NOM1: variants seen among roughly 807,000 people sequenced by gnomAD.
The protein encoded by NOM1 is nucleolar MIF4G domain-containing protein 1.
Under a neutral mutation model 73.3 loss-of-function variants are expected in NOM1, and 58 were observed. The ratio of observed to expected loss-of-function variants is 0.79; its 90% CI spans 0.64 to 0.99. The LOEUF (loss-of-function observed/expected upper bound fraction) is 0.99, where lower values mean the gene tolerates loss of function less well. NOM1 is among the 50% of genes least tolerant of loss of function. The pLI, the probability that NOM1 is intolerant of heterozygous loss-of-function variation, is 0.00. For synonymous variants in NOM1, 487 were observed against 446.8 expected (o/e 1.09, Z -1.14); for missense variants, 1,226 against 1,131.9 (o/e 1.08, Z -1.19).
At chr7:156,963,395 G>A in intron 6 of NOM1, 1 of 600,668 alleles carries the variant, frequency 1.7e-6, no homozygotes, top group Non-Finnish European at 3.0e-6. Flanking sequence ...AGATCTAAAA[G>A]TTGAATGGCA....
intron 3 of NOM1, among the ~76,000 whole-genome samples, chr7:156,959,491 C>G (rs1302182975): frequency 6.6e-6 from 1 of 152,200 alleles, no homozygotes; most frequent in Non-Finnish European, 1.5e-5. Flanking sequence ...ATCCACCCAC[C>G]TCCGCCTCCT....
chr7:156,961,638 A>C (rs1039189146), intron 4 of NOM1, among the ~76,000 whole-genome samples: 2 of 152,188 alleles, frequency 1.3e-5, no homozygotes, highest in African/African-American at 4.8e-5. Context: ...GTTTTATGCT[A>C]TGTGAATTCT....
rs1253880058 is a variant in NOM1 at position 156,949,733 on chromosome 7, G to C, written c.-5G>C. On this transcript the variant is annotated 5_prime_UTR_variant, in exon 1 of 11. Coordinates refer to ENST00000275820, the MANE Select transcript of NOM1 (RefSeq NM_138400.2). ...CGGAAGTCGTGCGTCCACGCGTTTC[G>C]AAAGATGGCGGCGTCCAGGAGCGCG... 5 of 1,352,682 alleles carry C rather than the reference G, an allele frequency of 3.7e-6. No individual in the cohort carries two copies. Among genetic ancestry groups the C allele is most frequent in the Non-Finnish European group, 4.7e-6 (5 of 1,057,728 alleles). The allele number at this position is 1,352,682 out of a possible 1,614,324, so 83.8% of individuals were successfully genotyped here. A position where few individuals can be genotyped will look rare whatever the true frequency, so the allele number is the denominator to read the frequency against.
At chr7:156,965,632 G>A (rs777977879) in intron 7 of NOM1, among the ~76,000 whole-genome samples, 18 of 152,164 alleles carry the variant, frequency 1.2e-4, no homozygotes, top group Non-Finnish European at 2.4e-4. Flanking sequence ...TTTTACAAAC[G>A]ACGGCAGGCA....
chr7:156,952,121 A>G (rs1277758240), intron 1 of NOM1, among the ~76,000 whole-genome samples: 1 of 152,204 alleles, frequency 6.6e-6, no homozygotes, highest in East Asian at 1.9e-4. Context: ...CTTGTATGCT[A>G]CTGTGCCTGC....
intron 4 of NOM1, 45 bp downstream of exon 4, chr7:156,960,219 A>C: frequency 2.3e-5 from 35 of 1,501,452 alleles, no homozygotes; most frequent in Non-Finnish European, 2.8e-5. Context: ...CCTAAAGCTC[A>C]CAAACTGGCC....
At position 156,969,665 on chromosome 7, in the gene NOM1, A is replaced by G; in HGVS notation, c.2545A>G (p.Thr849Ala). ...GCTGAGAGAGAAAGCTGACCTTGCA[A>G]CGAAGTGTCTGCAAGGAAAAGCTTC... Reference protein sequence around the residue: ...NVLREKADLATKCLQGKASLR... With the variant: ...NVLREKADLAAKCLQGKASLR... Residue 849 changes from threonine (T) to alanine (A), a missense_variant, in exon 11 of 11, where the codon ACG (threonine) becomes GCG (alanine). Physicochemically the swap from Thr to Ala is moderately conservative, Grantham distance 58. Transcript: ENST00000275820. 2 of 1,613,360 alleles carry G rather than the reference A, an allele frequency of 1.2e-6. No individual in the cohort carries two copies. The highest frequency in any genetic ancestry group is 8.5e-7 in the Non-Finnish European group (1 of 1,179,510).
In NOM1 at chr7:156,954,283, C is replaced by CACAGTTGGAATCGAGGT. The variant is rs1563679006; in HGVS notation, c.1301_1308+9dup. ...TTCTCTTAGTCAGCATCCTTCACCA[C>CACAGTTGGAATCGAGGT]ACAGTTGGAATCGAGGTACAGTTGT... On this transcript the variant is annotated frameshift_variant, in exon 3 of 11. Coordinates refer to ENST00000275820, the MANE Select transcript of NOM1 (RefSeq NM_138400.2). LOFTEE classifies it high-confidence loss of function. 1 of 1,596,204 alleles carries CACAGTTGGAATCGAGGT rather than the reference C, an allele frequency of 6.3e-7. No homozygotes were observed.
Position 156,966,367 on chromosome 7 carries a change from G to C in NOM1, c.2131G>C (p.Ala711Pro). The change falls in exon 8 of 11, where the codon GCT becomes CCT. Residue 711 changes from alanine (A) to proline (P), a missense_variant. Physicochemically the swap from Ala to Pro is conservative, Grantham distance 27. Transcript: ENST00000275820. The part of the protein sequence containing the change: ...KTYNPFYAFL[A>P]SKFCEYERRF... ...TTACAATCCCTTCTATGCTTTCCTG[G>C]CTAGCAAATTCTGTGAATATGAAAG... 1.9e-6 allele frequency: 3 copies of C among 1,614,150 alleles called. No homozygotes were observed. The highest frequency in any genetic ancestry group is 2.5e-6 in the Non-Finnish European group (3 of 1,180,028).
Position 156,963,011 on chromosome 7 carries a change from C to T in NOM1, c.1747C>T (p.Arg583Cys), listed in dbSNP as rs1481767968. The T allele has an allele frequency of 6.8e-6, 11 of 1,611,474 alleles. No homozygotes were observed. Among genetic ancestry groups the T allele is most frequent in the East Asian group, 2.2e-5 (1 of 44,802 alleles). Reference protein sequence around the residue: ...KLRKLQRALVRNAGSGSETQL... With the variant: ...KLRKLQRALVCNAGSGSETQL... ...TTAGCTCTTCTCTCTTCATCAGGTC[C>T]GCAACGCCGGCTCAGGTTCTGAGAC... is the stretch of plus-strand genomic sequence containing the variant. The change falls in exon 6 of 11, where the codon CGC (arginine) becomes TGC (cysteine). Residue 583 changes from arginine (R) to cysteine (C), a missense_variant. By Grantham distance (180) the Arg-to-Cys change is radical. Coordinates refer to ENST00000275820, the MANE Select transcript of NOM1 (RefSeq NM_138400.2).
Position 156,950,731 on chromosome 7 carries a change from T to A in NOM1, c.987+7T>A, listed in dbSNP as rs112014288. Reference sequence around the variant, plus strand: ...CGGTGACATAACGGATAAGGTATCGTGTGAACACTCTCTAGGCCCTCTGGG... The same window carrying A: ...CGGTGACATAACGGATAAGGTATCGAGTGAACACTCTCTAGGCCCTCTGGG... On this transcript the variant is annotated splice_region_variant and intron_variant, in intron 1 of 10. Transcript: ENST00000275820. 2.4e-4 allele frequency: 372 copies of A among 1,549,132 alleles called. 3 individuals are homozygous for A. The African/African-American group carries it at 4.2e-3, about 18-fold the overall frequency.
At chr7:156,964,271 G>GTT in intron 7 of NOM1, 5 of 251,178 alleles carry the variant, frequency 2.0e-5, no homozygotes, top group South Asian at 1.0e-4. Context: ...GGGGGTTTGG[G>GTT]GTTTTTTTTT....
intron 3 of NOM1, chr7:156,958,681 A>G: frequency 6.6e-6 from 1 of 152,276 alleles, no homozygotes; most frequent in East Asian, 1.9e-4. Context: ...TTCAGTCCAC[A>G]GTTACGGAAT....
rs1805150364 is a variant in NOM1, at chr7:156,971,971, T to C, written c.*2268T>C. ...AAATCTTCCCTTTGTTAAGGAGCTT[T>C]TTAACAAGAGTGTCTTTGCTGGGTG... On this transcript the variant is annotated 3_prime_UTR_variant, in exon 11 of 11. Coordinates refer to ENST00000275820, the MANE Select transcript of NOM1 (RefSeq NM_138400.2). The C allele has an allele frequency of 6.6e-6, 1 of 152,242 alleles. No individual in the cohort carries two copies. The highest frequency in any genetic ancestry group is 1.5e-5 in the Non-Finnish European group (1 of 68,044). 9.4% of individuals were successfully genotyped at this position (152,242 alleles called of 1,614,324 possible).
chr7:156,960,266 C>T (rs1052457619), intron 4 of NOM1, 92 bp downstream of exon 4: 2 of 1,029,178 alleles, frequency 1.9e-6, no homozygotes, highest in African/African-American at 1.6e-5. Flanking sequence ...AAATATTACA[C>T]TTGCTTTCCT....
At chr7:156,955,911 C>T (rs1457447882) in intron 3 of NOM1, among the ~76,000 whole-genome samples, 1 of 152,194 alleles carries the variant, frequency 6.6e-6, no homozygotes. Flanking sequence ...TATTTGCCGG[C>T]CGGGCGCGGT....
At chr7:156,951,617 G>A (rs907152496) in intron 1 of NOM1, among the ~76,000 whole-genome samples, 1 of 152,150 alleles carries the variant, frequency 6.6e-6, no homozygotes, top group Non-Finnish European at 1.5e-5. Context: ...CTACCTAGCA[G>A]TGAGGATCGT....
intron 4 of NOM1, among the ~76,000 whole-genome samples, chr7:156,960,527 CAG>C (rs1480894005): frequency 5.3e-5 from 8 of 152,236 alleles, no homozygotes; most frequent in Admixed American, 4.6e-4. Context: ...CTCTGTAAAA[CAG>C]GGACTGATCA....
rs772870817 is a variant in NOM1 at position 156,950,045 on chromosome 7, G to T, written c.308G>T (p.Gly103Val). The change falls in exon 1 of 11, where the codon GGC becomes GTC. Residue 103 changes from glycine (G) to valine (V), a missense_variant. Physicochemically the swap from Gly to Val is moderately radical, Grantham distance 109. Transcript: ENST00000275820. The stretch of plus-strand genomic sequence containing the variant: ...GCACGCCGGCTGCAGAGGACGGCGG[G>T]CCCCGAACAGGGTCCCGGCCTGGGA... ...RKARRLQRTA[G>V]PEQGPGLGGR... 1 of 1,542,904 alleles carries T rather than the reference G, an allele frequency of 6.5e-7. No homozygotes were observed.
Sources: allele counts gnomAD v4.1 joint callset (sites outside exome capture counted in the v4.1 genomes callset), GRCh38; gene constraint gnomAD v4.1.1; transcripts MANE v1.5; gene names NCBI Gene and HGNC (gene_info 2026-07-23, HGNC 2026-07-21).